JAM3: variants seen among roughly 807,000 people sequenced by gnomAD.
JAM3 encodes junctional adhesion molecule 3, also known as junctional adhesion molecule C.
In JAM3, 31 loss-of-function variants were observed where a neutral mutation model predicts 39.4. That is an observed-to-expected ratio of 0.79 (90% confidence interval 0.59 to 1.06). The LOEUF is 1.06. Among genes scored for constraint, JAM3 ranks in the 50% least tolerant of loss-of-function variants. The probability of loss-of-function intolerance (pLI) is 0.00; values close to 1 mark genes in which losing one functional copy is unlikely to be tolerated. For missense variants in JAM3, 455 were observed against 391.4 expected (o/e 1.16, Z -1.37); for synonymous variants, 182 against 148.7 (o/e 1.22, Z -1.63).
At chr11:134,136,625 G>A (rs1176418775) in intron 1 of JAM3, among the ~76,000 whole-genome samples, 1 of 152,176 alleles carries the variant, frequency 6.6e-6, no homozygotes, top group Non-Finnish European at 1.5e-5. Flanking sequence ...AGTCATTTAA[G>A]CTAGAACTTT....
In JAM3 at chr11:134,149,350, A is replaced by C; in HGVS notation, c.*169A>C. On this transcript the variant is annotated 3_prime_UTR_variant, in exon 9 of 9. Coordinates refer to ENST00000299106, the MANE Select transcript of JAM3 (RefSeq NM_032801.5). The stretch of plus-strand genomic sequence containing the variant: ...TACTCTTCTTACTCTAACAAGCCAC[A>C]TGAATAGAAGAATTTTCCTCAAGAT... The C allele has an allele frequency of 1.4e-6, 1 of 734,784 alleles. No individual in the cohort carries two copies. The highest frequency in any genetic ancestry group is 1.7e-5 in the African/African-American group (1 of 57,266). The allele number at this position is 734,784 out of a possible 1,614,324, so 45.5% of individuals were successfully genotyped here.
chr11:134,141,957 C>T (rs773507215), intron 3 of JAM3, among the ~76,000 whole-genome samples: 11 of 151,806 alleles, frequency 7.2e-5, no homozygotes, highest in Admixed American at 3.3e-4. Flanking sequence ...TCAGTGTCGC[C>T]GGGAGCCTGA....
At chr11:134,111,718 A>G (rs1478324830) in intron 1 of JAM3, among the ~76,000 whole-genome samples, 1 of 152,228 alleles carries the variant, frequency 6.6e-6, no homozygotes, top group Non-Finnish European at 1.5e-5. Context: ...AAGGTAAAAG[A>G]AAGCTGAAGC....
At chr11:134,148,451 G>C in intron 6 of JAM3, 96 bp from the exon 7 acceptor site, 1 of 1,551,582 alleles carries the variant, frequency 6.4e-7, no homozygotes, top group African/African-American at 1.4e-5. Context: ...GGGGCAAGTG[G>C]GTTTGGGGTG....
intron 1 of JAM3, among the ~76,000 whole-genome samples, chr11:134,121,002 G>A (rs1047852878): frequency 1.3e-5 from 2 of 152,194 alleles, no homozygotes; most frequent in South Asian, 4.1e-4. Flanking sequence ...CTGTGTTTCT[G>A]TGCACCAACC....
intron 1 of JAM3, among the ~76,000 whole-genome samples, chr11:134,084,637 C>T (rs941162530): frequency 3.9e-5 from 6 of 152,130 alleles, no homozygotes; most frequent in African/African-American, 1.4e-4. Context: ...CTTGTTCCTG[C>T]CAGTACTTCC....
intron 1 of JAM3, among the ~76,000 whole-genome samples, chr11:134,113,320 C>T (rs1390825497): frequency 6.6e-6 from 1 of 151,624 alleles, no homozygotes; most frequent in Non-Finnish European, 1.5e-5. Context: ...TTAGGTATAT[C>T]TCCTAATGCT....
chr11:134,143,631 C>T (rs1943014974), intron 3 of JAM3, among the ~76,000 whole-genome samples: 1 of 152,154 alleles, frequency 6.6e-6, no homozygotes, highest in East Asian at 1.9e-4. Flanking sequence ...AGGTATTTCT[C>T]CCATTGTGTG....
chr11:134,118,596 C>G (rs911785862), intron 1 of JAM3, among the ~76,000 whole-genome samples: 4 of 152,160 alleles, frequency 2.6e-5, no homozygotes, highest in Non-Finnish European at 5.9e-5. Context: ...CAACCCCAAC[C>G]TTGTCTGCTC....
At chr11:134,070,849 G>A (rs1192592121) in intron 1 of JAM3, among the ~76,000 whole-genome samples, 1 of 152,220 alleles carries the variant, frequency 6.6e-6, no homozygotes, top group Admixed American at 6.5e-5. Context: ...GACTAGTTTT[G>A]TGGCTTTTTT....
intron 3 of JAM3, among the ~76,000 whole-genome samples, chr11:134,143,946 G>A (rs1054909604): frequency 1.3e-5 from 2 of 152,200 alleles, no homozygotes; most frequent in East Asian, 3.9e-4. Flanking sequence ...ATTCATGGGC[G>A]GTCCTTCCTG....
chr11:134,147,314 T>C (rs928507934), intron 6 of JAM3, among the ~76,000 whole-genome samples: 3 of 151,118 alleles, frequency 2.0e-5, no homozygotes, highest in African/African-American at 7.3e-5. Context: ...ATTAGCCTGG[T>C]GTGGTGGCAG....
At chr11:134,110,326 AATC>A (rs1333629061) in intron 1 of JAM3, among the ~76,000 whole-genome samples, 2 of 152,242 alleles carry the variant, frequency 1.3e-5, no homozygotes, top group Admixed American at 6.5e-5. Context: ...AAGAGAATGA[AATC>A]ATATGTTTAT....
At chr11:134,101,316 G>A (rs1473609940) in intron 1 of JAM3, among the ~76,000 whole-genome samples, 1 of 152,146 alleles carries the variant, frequency 6.6e-6, no homozygotes, top group Non-Finnish European at 1.5e-5. Flanking sequence ...GCTGTGCTCT[G>A]GGAAACACTG....
intron 1 of JAM3, among the ~76,000 whole-genome samples, chr11:134,102,246 G>A (rs1259168709): frequency 6.6e-6 from 1 of 152,116 alleles, no homozygotes; most frequent in Non-Finnish European, 1.5e-5. Context: ...GATAACCCAG[G>A]CAAACAGGGT....
chr11:134,139,803 G>A (rs746578497), intron 1 of JAM3, 48 bp from the exon 2 acceptor site: 2 of 1,466,784 alleles, frequency 1.4e-6, no homozygotes, highest in Non-Finnish European at 1.9e-6. Flanking sequence ...AGGTTTCTCT[G>A]CCGTTTGAGA....
At chr11:134,116,159 A>T (rs1279178458) in intron 1 of JAM3, among the ~76,000 whole-genome samples, 1 of 152,142 alleles carries the variant, frequency 6.6e-6, no homozygotes, top group Non-Finnish European at 1.5e-5. Flanking sequence ...AGAATCAGAT[A>T]ATTTGTGGAT....
At position 134,149,245 on chromosome 11, in the gene JAM3, T is replaced by A; in HGVS notation, c.*64T>A. On this transcript the variant is annotated 3_prime_UTR_variant, in exon 9 of 9. Coordinates refer to ENST00000299106, the MANE Select transcript of JAM3 (RefSeq NM_032801.5). ...CACATACCTCTGCTAGAAACTCCTG[T>A]CAAGGCAGCGAGAGCTGATGCACTC... is the stretch of plus-strand genomic sequence containing the variant. 6.2e-7 allele frequency: 1 copy of A among 1,602,338 alleles called. No homozygotes were observed. Among genetic ancestry groups the A allele is most frequent in the African/African-American group, 1.3e-5 (1 of 74,816 alleles).
intron 1 of JAM3, among the ~76,000 whole-genome samples, chr11:134,101,443 T>C (rs778906045): frequency 6.6e-6 from 1 of 152,028 alleles, no homozygotes; most frequent in East Asian, 1.9e-4. Context: ...TGAGGTGGAG[T>C]GTTCTTTCCA....
Sources: gnomAD v4.1 joint callset for allele counts (sites outside exome capture counted in the v4.1 genomes callset) on GRCh38, gnomAD v4.1.1 for gene constraint, MANE v1.5 for transcripts, NCBI Gene and HGNC (gene_info 2026-07-23, HGNC 2026-07-21) for gene names.